Variants in TENT5A observed in about 807,000 individuals in gnomAD.
TENT5A encodes HBV X-transactivated gene 11 protein.
Under a neutral mutation model 30.2 loss-of-function variants are expected in TENT5A, and 9 were observed. The ratio of observed to expected loss-of-function variants is 0.30; its 90% confidence interval spans 0.18 to 0.52. The LOEUF is 0.52. TENT5A is among the 20% of genes least tolerant of loss of function. TENT5A has a pLI of 0.97. For missense variants in TENT5A, 411 were observed against 566.1 expected, an observed-to-expected ratio of 0.73 and a Z score of 2.78; for synonymous variants, 264 against 234.2, an observed-to-expected ratio of 1.13 and a Z score of -1.16.
Position 81,749,354 on chromosome 6 carries a change from AG to A in TENT5A, c.*340del, listed in dbSNP as rs1305228462. ...TCCACTTTTTTTTTTCCTATGGCAA[AG>A]CTATGGGAGCAGATACAGCAAACCC... On this transcript the variant is annotated 3_prime_UTR_variant, in exon 3 of 3. Transcript: ENST00000320172. 1 of 1,050,168 alleles carries A rather than the reference AG, an allele frequency of 9.5e-7. No homozygotes were observed. The highest frequency in any genetic ancestry group is 1.1e-6 in the Non-Finnish European group (1 of 873,002). 65.1% of individuals were successfully genotyped at this position (1,050,168 alleles called of 1,614,324 possible). A position where few individuals can be genotyped will look rare whatever the true frequency, so the allele number is the denominator to read the frequency against.
In TENT5A at chr6:81,746,918, A is replaced by T. The variant is rs1447777491; in HGVS notation, c.*2777T>A. On this transcript the variant is annotated 3_prime_UTR_variant, in exon 3 of 3. Transcript: ENST00000320172. ...AATAGAAATAAATTATATAAGTCTT[A>T]AAGTAAATGCTAGAAGTTGTCTTGA... 32 of 1,020,654 alleles carry T rather than the reference A, an allele frequency of 3.1e-5. No homozygotes were observed. Among genetic ancestry groups the T allele is most frequent in the Non-Finnish European group, 3.8e-5 (32 of 853,280 alleles). 63.2% of individuals were successfully genotyped at this position (1,020,654 alleles called of 1,614,324 possible).
chr6:81,749,841 T>G lies in TENT5A; in HGVS notation c.1183A>C (p.Ile395Leu). ...CAAGTGACATTAGCCACATTAGGAA[T>G]GACATTTTGGTCAGCTAACACCCGG... ...AIRVLADQNV[I>L]PNVANVTCYY... The change falls in exon 3 of 3, where the codon ATT (isoleucine) becomes CTT (leucine). Residue 395 changes from isoleucine to leucine, a missense_variant. Around this residue, in one of 5 missense-constraint regions of TENT5A, gnomAD observed 75 missense variants for 80.9 expected, o/e 0.93. Coordinates refer to ENST00000320172, the MANE Select transcript of TENT5A (RefSeq NM_017633.3). 6.2e-7 allele frequency: 1 copy of G among 1,614,156 alleles called. No homozygotes were observed. Among genetic ancestry groups the G allele is most frequent in the Non-Finnish European group, 8.5e-7 (1 of 1,180,030 alleles).
Position 81,752,019 on chromosome 6 carries a change from G to GTCGCCGCCGCCGAAT in TENT5A, c.122_123insATTCGGCGGCGGCGA (p.Gly40_Asp41insGluPheGlyGlyGly). 1.8e-6 allele frequency: 2 copies of GTCGCCGCCGCCGAAT among 1,130,158 alleles called. No individual in the cohort carries two copies. The highest frequency in any genetic ancestry group is 1.2e-6 in the Non-Finnish European group (1 of 848,620). The allele number at this position is 1,130,158 out of a possible 1,614,324, so 70.0% of individuals were successfully genotyped here. ...CACCGAAGCTGCCGCCACCGCCGAA[G>GTCGCCGCCGCCGAAT]TCGCCGCCGCCGAAGTCGCCGCCGC... On this transcript the variant is annotated inframe_insertion, in exon 2 of 3. Transcript: ENST00000320172.
Position 81,749,620 on chromosome 6 carries a change from T to G in TENT5A, c.*75A>C. ...CCCTAATAAGGGCTGGATCACTCTTTTTTTTTTCTTTTTTTTTTTTTTCTC... is the reference window on the plus strand; with the variant it reads ...CCCTAATAAGGGCTGGATCACTCTTGTTTTTTTCTTTTTTTTTTTTTTCTC... On this transcript the variant is annotated 3_prime_UTR_variant, in exon 3 of 3. Coordinates refer to ENST00000320172, the MANE Select transcript of TENT5A (RefSeq NM_017633.3). 6.6e-7 allele frequency: 1 copy of G among 1,512,424 alleles called. No individual in the cohort carries two copies. Among genetic ancestry groups the G allele is most frequent in the South Asian group, 1.4e-5 (1 of 73,530 alleles). 93.7% of individuals were successfully genotyped at this position (1,512,424 alleles called of 1,614,324 possible).
At position 81,747,872 on chromosome 6, in the gene TENT5A, T is replaced by G. The variant is rs1391012597; in HGVS notation, c.*1823A>C. 1 of 985,638 alleles carries G rather than the reference T, an allele frequency of 1.0e-6. No individual in the cohort carries two copies. Among genetic ancestry groups the G allele is most frequent in the Non-Finnish European group, 1.2e-6 (1 of 829,814 alleles). The allele number at this position is 985,638 out of a possible 1,614,324, so 61.1% of individuals were successfully genotyped here. Reference sequence around the variant, plus strand: ...ATTAGCTGTTATTGAACTGAAATAGTAATGCCAGTTCATTTCACAAAGGTA... The same window carrying G: ...ATTAGCTGTTATTGAACTGAAATAGGAATGCCAGTTCATTTCACAAAGGTA... On this transcript the variant is annotated 3_prime_UTR_variant, in exon 3 of 3. Coordinates refer to ENST00000320172, the MANE Select transcript of TENT5A (RefSeq NM_017633.3).
In TENT5A at chr6:81,747,014, G is replaced by C. The variant is rs1768899120; in HGVS notation, c.*2681C>G. Reference sequence around the variant, plus strand: ...AACTAAGCTACCAACCCTGAAGTAAGCAAGAAAAGAATATAAATATTTAAG... The same window carrying C: ...AACTAAGCTACCAACCCTGAAGTAACCAAGAAAAGAATATAAATATTTAAG... On this transcript the variant is annotated 3_prime_UTR_variant, in exon 3 of 3. Coordinates refer to ENST00000320172, the MANE Select transcript of TENT5A (RefSeq NM_017633.3). 1.0e-6 allele frequency: 1 copy of C among 985,860 alleles called. No homozygotes were observed. The highest frequency in any genetic ancestry group is 6.1e-5 in the Admixed American group (1 of 16,334). The allele number at this position is 985,860 out of a possible 1,614,324, so 61.1% of individuals were successfully genotyped here.
In TENT5A at chr6:81,745,845, C is replaced by G; in HGVS notation, c.*3850G>C. On this transcript the variant is annotated 3_prime_UTR_variant, in exon 3 of 3. Transcript: ENST00000320172. The stretch of plus-strand genomic sequence containing the variant: ...ATTCAAACATGTCAGTTTTTTAGTC[C>G]ATTTTCCATCAACTCCTTTTCTGCC... The G allele has an allele frequency of 5.1e-6, 5 of 985,812 alleles. No individual in the cohort carries two copies. Among genetic ancestry groups the G allele is most frequent in the Non-Finnish European group, 6.0e-6 (5 of 829,916 alleles). 61.1% of individuals were successfully genotyped at this position (985,812 alleles called of 1,614,324 possible). A position where few individuals can be genotyped will look rare whatever the true frequency, so the allele number is the denominator to read the frequency against.
In TENT5A at chr6:81,748,482, T is replaced by G. The variant is rs1768931690; in HGVS notation, c.*1213A>C. The G allele has an allele frequency of 1.0e-6, 1 of 982,374 alleles. No homozygotes were observed. Among genetic ancestry groups the G allele is most frequent in the Non-Finnish European group, 1.2e-6 (1 of 827,358 alleles). 60.9% of individuals were successfully genotyped at this position (982,374 alleles called of 1,614,324 possible). ...TTGGTTCCCTCCTTCATTTAATTTTTTTAGATGTGGATTTAATTCATCATT... is the reference window on the plus strand; with the variant it reads ...TTGGTTCCCTCCTTCATTTAATTTTGTTAGATGTGGATTTAATTCATCATT... On this transcript the variant is annotated 3_prime_UTR_variant, in exon 3 of 3. Transcript: ENST00000320172.
intron 1 of TENT5A, 103 bp downstream of exon 1, chr6:81,752,328 C>G: frequency 6.5e-7 from 1 of 1,545,900 alleles, no homozygotes. Context: ...CTCCCCCGGC[C>G]CTTACAGTCC....
In TENT5A at chr6:81,747,440, A is replaced by C; in HGVS notation, c.*2255T>G. 1.0e-6 allele frequency: 1 copy of C among 985,846 alleles called. No homozygotes were observed. Among genetic ancestry groups the C allele is most frequent in the Non-Finnish European group, 1.2e-6 (1 of 829,916 alleles). 61.1% of individuals were successfully genotyped at this position (985,846 alleles called of 1,614,324 possible). On this transcript the variant is annotated 3_prime_UTR_variant, in exon 3 of 3. Coordinates refer to ENST00000320172, the MANE Select transcript of TENT5A (RefSeq NM_017633.3). ...TGAGTGGCAGTGCAGCGGCTGTTGC[A>C]GCTCTGACAGAATTCACAAGGAAGC...
At position 81,750,619 on chromosome 6, in the gene TENT5A, G is replaced by A. The variant is rs2127726610; in HGVS notation, c.553-148C>T. On this transcript the variant is annotated intron_variant, in intron 2 of 2. Coordinates refer to ENST00000320172, the MANE Select transcript of TENT5A (RefSeq NM_017633.3). This position sits in a 1 kb window ranked among gnomAD's most constrained non-coding sequence, Gnocchi z 4.2. ...CCAAACACTACCTACAGGCTTAAACGGTCTTCTGAAAATAGAAAAAAAATA... is the reference window on the plus strand; with the variant it reads ...CCAAACACTACCTACAGGCTTAAACAGTCTTCTGAAAATAGAAAAAAAATA... 3.6e-6 allele frequency: 2 copies of A among 552,228 alleles called. No individual in the cohort carries two copies. The highest frequency in any genetic ancestry group is 3.1e-5 in the East Asian group (1 of 32,252). 34.2% of individuals were successfully genotyped at this position (552,228 alleles called of 1,614,324 possible).
At position 81,749,178 on chromosome 6, in the gene TENT5A, A is replaced by G. The variant is rs1185504417; in HGVS notation, c.*517T>C. On this transcript the variant is annotated 3_prime_UTR_variant, in exon 3 of 3. Coordinates refer to ENST00000320172, the MANE Select transcript of TENT5A (RefSeq NM_017633.3). Reference sequence around the variant, plus strand: ...TCATTCCACAGAAAGCACTTGCTACAAGCCTCAGACAGTAATCCCAACGTT... The same window carrying G: ...TCATTCCACAGAAAGCACTTGCTACGAGCCTCAGACAGTAATCCCAACGTT... The G allele has an allele frequency of 4.1e-6, 4 of 986,020 alleles. No homozygotes were observed. The African/African-American group carries it at 7.0e-5, about 17-fold the overall frequency. The allele number at this position is 986,020 out of a possible 1,614,324, so 61.1% of individuals were successfully genotyped here.
Position 81,745,928 on chromosome 6 carries a change from G to GC in TENT5A, c.*3766dup, listed in dbSNP as rs1231032535. Reference sequence around the variant, plus strand: ...AGAGTGACCCAAGGTGCAGCTTGCTGCAACAGAACACCTCAAAGCAGGCAT... The same window carrying GC: ...AGAGTGACCCAAGGTGCAGCTTGCTGCCAACAGAACACCTCAAAGCAGGCAT... On this transcript the variant is annotated 3_prime_UTR_variant, in exon 3 of 3. Coordinates refer to ENST00000320172, the MANE Select transcript of TENT5A (RefSeq NM_017633.3). 3.0e-6 allele frequency: 3 copies of GC among 985,506 alleles called. No individual in the cohort carries two copies. Among genetic ancestry groups the GC allele is most frequent in the Non-Finnish European group, 3.6e-6 (3 of 829,958 alleles). 61.0% of individuals were successfully genotyped at this position (985,506 alleles called of 1,614,324 possible). A position where few individuals can be genotyped will look rare whatever the true frequency, so the allele number is the denominator to read the frequency against.
chr6:81,746,768 C>T lies in TENT5A; in HGVS notation c.*2927G>A, dbSNP rs1768894995. ...ATAGGGAGTCGGGAGCTGTTCTTTT[C>T]TCTGACCTATACACATGGCTCTCTC... On this transcript the variant is annotated 3_prime_UTR_variant, in exon 3 of 3. Coordinates refer to ENST00000320172, the MANE Select transcript of TENT5A (RefSeq NM_017633.3). 1.6e-6 allele frequency: 2 copies of T among 1,216,808 alleles called. No homozygotes were observed. The highest frequency in any genetic ancestry group is 3.1e-5 in the African/African-American group (2 of 64,102). The allele number at this position is 1,216,808 out of a possible 1,614,324, so 75.4% of individuals were successfully genotyped here. A position where few individuals can be genotyped will look rare whatever the true frequency, so the allele number is the denominator to read the frequency against.
At position 81,752,546 on chromosome 6, in the gene TENT5A, A is replaced by C. The variant is rs369839302; in HGVS notation, c.-153T>G. 155 of 1,118,566 alleles carry C rather than the reference A, an allele frequency of 1.4e-4. No individual in the cohort carries two copies. In the African/African-American group the frequency reaches 1.9e-3, roughly 14 times the overall value. The allele number at this position is 1,118,566 out of a possible 1,614,324, so 69.3% of individuals were successfully genotyped here. A position where few individuals can be genotyped will look rare whatever the true frequency, so the allele number is the denominator to read the frequency against. ...AGCAAATAGCGACTTCGTCTTTCCC[A>C]GACCCCTGCCGCCTGCGCTCACCAC... is the stretch of plus-strand genomic sequence containing the variant. On this transcript the variant is annotated 5_prime_UTR_variant, in exon 1 of 3. Coordinates refer to ENST00000320172, the MANE Select transcript of TENT5A (RefSeq NM_017633.3).
Position 81,752,562 on chromosome 6 carries a change from C to A in TENT5A, c.-169G>T. 1 of 955,608 alleles carries A rather than the reference C, an allele frequency of 1.0e-6. No homozygotes were observed. The allele number at this position is 955,608 out of a possible 1,614,324, so 59.2% of individuals were successfully genotyped here. A position where few individuals can be genotyped will look rare whatever the true frequency, so the allele number is the denominator to read the frequency against. ...GTCTTTCCCAGACCCCTGCCGCCTG[C>A]GCTCACCACTCCCTCCCCGCGACCC... On this transcript the variant is annotated 5_prime_UTR_variant, in exon 1 of 3. Coordinates refer to ENST00000320172, the MANE Select transcript of TENT5A (RefSeq NM_017633.3).
In TENT5A at chr6:81,749,529, A is replaced by G. The variant is rs2127726369; in HGVS notation, c.*166T>C. 7.3e-7 allele frequency: 1 copy of G among 1,378,370 alleles called. No individual in the cohort carries two copies. Among genetic ancestry groups the G allele is most frequent in the Non-Finnish European group, 9.3e-7 (1 of 1,070,610 alleles). 85.4% of individuals were successfully genotyped at this position (1,378,370 alleles called of 1,614,324 possible). On this transcript the variant is annotated 3_prime_UTR_variant, in exon 3 of 3. Transcript: ENST00000320172. ...CTTTCGAGATCATGCTCCCACATCT[A>G]TTAAAAGATACATAAGCTTTGCCAA...
Position 81,748,248 on chromosome 6 carries a change from CTAGAT to C in TENT5A, c.*1442_*1446del. 1 of 981,808 alleles carries C rather than the reference CTAGAT, an allele frequency of 1.0e-6. No individual in the cohort carries two copies. The highest frequency in any genetic ancestry group is 1.2e-6 in the Non-Finnish European group (1 of 829,176). The allele number at this position is 981,808 out of a possible 1,614,324, so 60.8% of individuals were successfully genotyped here. A position where few individuals can be genotyped will look rare whatever the true frequency, so the allele number is the denominator to read the frequency against. ...TAGCCTATTACTGATCCATGATCCA[CTAGAT>C]TAAACATCATAGAGGAATGCAATTT... On this transcript the variant is annotated 3_prime_UTR_variant, in exon 3 of 3. Transcript: ENST00000320172.
At position 81,748,534 on chromosome 6, in the gene TENT5A, C is replaced by T. The variant is rs1284892638; in HGVS notation, c.*1161G>A. 1 of 981,742 alleles carries T rather than the reference C, an allele frequency of 1.0e-6. No individual in the cohort carries two copies. The highest frequency in any genetic ancestry group is 1.2e-6 in the Non-Finnish European group (1 of 827,032). The allele number at this position is 981,742 out of a possible 1,614,324, so 60.8% of individuals were successfully genotyped here. ...CAATATGCCCACGTCTCATGTTATCCTGTTGAAAACATAAAAACACACAGT... is the reference window on the plus strand; with the variant it reads ...CAATATGCCCACGTCTCATGTTATCTTGTTGAAAACATAAAAACACACAGT... On this transcript the variant is annotated 3_prime_UTR_variant, in exon 3 of 3. Coordinates refer to ENST00000320172, the MANE Select transcript of TENT5A (RefSeq NM_017633.3).
Sources: allele counts gnomAD v4.1 joint callset, GRCh38; gene constraint gnomAD v4.1.1; regional missense constraint gnomAD v4.1.1; non-coding constraint Gnocchi (gnomAD v3.1); transcripts MANE v1.5; gene names NCBI Gene and HGNC (gene_info 2026-07-23, HGNC 2026-07-21).